Variants in SHC3 observed in about 807,000 individuals in gnomAD.
The protein encoded by SHC3 is SHC-transforming protein 3.
A neutral mutation model predicts 60.4 loss-of-function variants in SHC3; 15 were observed. The ratio of observed to expected loss-of-function variants is 0.25; its 90% confidence interval spans 0.17 to 0.38. The LOEUF (loss-of-function observed/expected upper bound fraction) is 0.38, where lower values mean the gene tolerates loss of function less well. SHC3 is among the 10% of genes least tolerant of loss of function. SHC3 has a pLI of 1.00. For missense variants in SHC3, 677 were observed against 786.1 expected (o/e 0.86, Z 1.66); for synonymous variants, 294 against 325.9 (o/e 0.90, Z 1.05).
chr9:89,110,675 T>C (rs369102111), intron 2 of SHC3, among the ~76,000 whole-genome samples: 2 of 152,204 alleles, frequency 1.3e-5, no homozygotes, highest in South Asian at 4.1e-4. Flanking sequence ...GAAAGCATCA[T>C]GGAGACGAGC....
chr9:89,169,233 G>A (rs1347033827), intron 1 of SHC3, among the ~76,000 whole-genome samples: 1 of 152,168 alleles, frequency 6.6e-6, no homozygotes, highest in Non-Finnish European at 1.5e-5. Flanking sequence ...AGAGGAGGTT[G>A]AGAGGTGTGA....
At chr9:89,052,745 GAC>G (rs1364567294) in intron 6 of SHC3, among the ~76,000 whole-genome samples, 1 of 152,240 alleles carries the variant, frequency 6.6e-6, no homozygotes, top group Non-Finnish European at 1.5e-5. Context: ...TTATCAGTGT[GAC>G]CATGCCAATA....
intron 1 of SHC3, among the ~76,000 whole-genome samples, chr9:89,144,658 A>T (rs1329805636): frequency 6.6e-6 from 1 of 152,186 alleles, no homozygotes; most frequent in Non-Finnish European, 1.5e-5. Context: ...CTTAAAATAT[A>T]TTTTTAATGT....
At chr9:89,020,349 T>A (rs560766059) in intron 11 of SHC3, among the ~76,000 whole-genome samples, 1 of 151,886 alleles carries the variant, frequency 6.6e-6, no homozygotes, top group East Asian at 1.9e-4. Context: ...GGGGTGCCAG[T>A]TGTGGGGCAG....
intron 9 of SHC3, among the ~76,000 whole-genome samples, chr9:89,043,652 A>T (rs923059202): frequency 1.4e-4 from 20 of 147,330 alleles, no homozygotes; most frequent in South Asian, 6.6e-4. Flanking sequence ...ATATTTATTT[A>T]TTTTTTTTTT....
chr9:89,018,952 G>T (rs373184636), intron 11 of SHC3, among the ~76,000 whole-genome samples: 1 of 151,330 alleles, frequency 6.6e-6, no homozygotes, highest in Non-Finnish European at 1.5e-5. Context: ...CCAGCTACTC[G>T]GAAGGCTGAG....
intron 10 of SHC3, among the ~76,000 whole-genome samples, chr9:89,040,482 A>G (rs1011659308): frequency 4.6e-5 from 7 of 151,874 alleles, no homozygotes; most frequent in Non-Finnish European, 8.8e-5. Flanking sequence ...TCTGGTTCTC[A>G]TTTTTTCATC....
intron 2 of SHC3, among the ~76,000 whole-genome samples, chr9:89,094,662 CCTGCTTGAGGTCA>C (rs1825673830): frequency 6.6e-6 from 1 of 152,022 alleles, no homozygotes; most frequent in African/African-American, 2.4e-5. Flanking sequence ...GGGTAAGTAG[CCTGCTTGAGGTCA>C]CACAGTAGGG....
At chr9:89,075,966 T>G (rs777890839) in intron 3 of SHC3, among the ~76,000 whole-genome samples, 2 of 152,250 alleles carry the variant, frequency 1.3e-5, no homozygotes, top group South Asian at 2.1e-4. Context: ...TCCCTTCTTT[T>G]TGGATTAGAA....
intron 2 of SHC3, among the ~76,000 whole-genome samples, chr9:89,083,943 T>G (rs1351978338): frequency 1.3e-5 from 2 of 152,172 alleles, no homozygotes; most frequent in Admixed American, 6.5e-5. Flanking sequence ...ACCAATGGCT[T>G]CTTCCCAGTT....
At chr9:89,027,571 C>T (rs1320102638) in intron 11 of SHC3, among the ~76,000 whole-genome samples, 2 of 135,358 alleles carry the variant, frequency 1.5e-5, no homozygotes, top group East Asian at 4.5e-4. Flanking sequence ...CCGCCTAGGC[C>T]TCCCAAAGTG....
Position 89,042,161 on chromosome 9 carries a change from G to C in SHC3, c.1225C>G (p.Pro409Ala). 1.3e-6 allele frequency: 2 copies of C among 1,540,258 alleles called. No homozygotes were observed. Among genetic ancestry groups the C allele is most frequent in the Non-Finnish European group, 1.7e-6 (2 of 1,152,170 alleles). ...RQGSSDIYST[P>A]EGKLHVAPTG... ...GGGGCCACGTGCAGTTTCCCTTCTG[G>C]CGTGCTGTAGATGTCCGAGGACCCT... is the stretch of plus-strand genomic sequence containing the variant. Residue 409 changes from proline to alanine, a missense_variant, in exon 10 of 12, where the codon CCA becomes GCA. By Grantham distance (27) the Pro-to-Ala change is conservative. Transcript: ENST00000375835.
intron 2 of SHC3, among the ~76,000 whole-genome samples, chr9:89,085,062 T>C (rs1825505457): frequency 6.6e-6 from 1 of 152,250 alleles, no homozygotes; most frequent in African/African-American, 2.4e-5. Flanking sequence ...TCAGTTCCAC[T>C]GATTCCTTAG....
intron 1 of SHC3, among the ~76,000 whole-genome samples, chr9:89,135,501 A>T (rs894763866): frequency 1.3e-5 from 2 of 152,188 alleles, no homozygotes; most frequent in Admixed American, 6.6e-5. Flanking sequence ...ATTATTTTTG[A>T]TGCACCTTAT....
chr9:89,106,839 T>C (rs1039937810), intron 2 of SHC3, among the ~76,000 whole-genome samples: 2 of 152,154 alleles, frequency 1.3e-5, no homozygotes, highest in African/African-American at 4.8e-5. Flanking sequence ...TCCACAGTGA[T>C]GTCTGTTTAA....
chr9:89,175,566 T>C (rs1215908606), intron 1 of SHC3, among the ~76,000 whole-genome samples: 1 of 152,206 alleles, frequency 6.6e-6, no homozygotes, highest in Non-Finnish European at 1.5e-5. Flanking sequence ...CACCTGTAAG[T>C]AGGTATTTCT....
At chr9:89,103,199 T>G (rs536592157) in intron 2 of SHC3, among the ~76,000 whole-genome samples, 1 of 152,250 alleles carries the variant, frequency 6.6e-6, no homozygotes, top group African/African-American at 2.4e-5. Flanking sequence ...CACGTTAACC[T>G]ATTCACAAGA....
intron 6 of SHC3, among the ~76,000 whole-genome samples, chr9:89,053,584 G>A (rs555793165): frequency 2.6e-4 from 39 of 152,266 alleles, no homozygotes; most frequent in Admixed American, 5.9e-4. Flanking sequence ...GTATTTCCTC[G>A]GAAGAGCAAG....
intron 11 of SHC3, among the ~76,000 whole-genome samples, chr9:89,035,864 T>TATA (rs1462006154): frequency 5.6e-5 from 3 of 53,146 alleles, no homozygotes; most frequent in South Asian, 8.7e-4. Flanking sequence ...TGTGTGTGTG[T>TATA]GTGTGTGTGT....
Sources: gnomAD v4.1 joint callset for allele counts (sites outside exome capture counted in the v4.1 genomes callset) on GRCh38, gnomAD v4.1.1 for gene constraint, MANE v1.5 for transcripts, NCBI Gene and HGNC (gene_info 2026-07-23, HGNC 2026-07-21) for gene names.